The following MYO5A variants were observed in gnomAD, a reference collection of about 807,000 sequenced individuals.
MYO5A encodes the protein unconventional myosin-Va.
A neutral mutation model predicts 249.7 loss-of-function variants in MYO5A; 98 were observed. The observed-to-expected ratio is 0.39, with a 90% CI of 0.33 to 0.46. The LOEUF (loss-of-function observed/expected upper bound fraction) is 0.46. Among genes scored for constraint, MYO5A ranks in the 20% least tolerant of loss-of-function variants. MYO5A has a pLI of 0.98. For missense variants in MYO5A, 1,696 were observed against 2,308.8 expected (o/e 0.73, Z 5.44); for synonymous variants, 778 against 810.6 (o/e 0.96, Z 0.68).
At position 52,308,362 on chromosome 15, in the gene MYO5A, T is replaced by C. The variant is rs1034066668; in HGVS notation, c.*5334A>G. On this transcript the variant is annotated 3_prime_UTR_variant, in exon 42 of 42. Coordinates refer to ENST00000399233, the MANE Select transcript of MYO5A (RefSeq NM_001382347.1). ...GGGTAATACAACAGATTTGAACTTA[T>C]AGCACGCTTTCCTGTTTTTACTCAA... 4 of 152,250 alleles carry C rather than the reference T, an allele frequency of 2.6e-5. No individual in the cohort carries two copies. The highest frequency in any genetic ancestry group is 2.6e-4 in the Admixed American group (4 of 15,286). 9.4% of individuals were successfully genotyped at this position (152,250 alleles called of 1,614,324 possible).
chr15:52,371,931 C>A (rs753313309), intron 21 of MYO5A, among the ~76,000 whole-genome samples, 193 bp downstream of exon 21: 1 of 150,396 alleles, frequency 6.6e-6, no homozygotes. Flanking sequence ...TAACTTCCTG[C>A]CTTAGTTTTT....
At chr15:52,423,224 T>C (rs1186031703) in intron 4 of MYO5A, among the ~76,000 whole-genome samples, 1 of 152,136 alleles carries the variant, frequency 6.6e-6, no homozygotes, top group African/African-American at 2.4e-5. Flanking sequence ...AGGATTTGCA[T>C]CTAGAAAGAT....
intron 1 of MYO5A, among the ~76,000 whole-genome samples, chr15:52,435,873 C>T (rs1343550981): frequency 6.6e-6 from 1 of 152,160 alleles, no homozygotes; most frequent in Non-Finnish European, 1.5e-5. Flanking sequence ...AAATAAAGGA[C>T]ATTTTAACAA....
In MYO5A at chr15:52,347,002, T is replaced by G. The variant is rs894906403; in HGVS notation, c.3859-541A>C. Among the ~76,000 whole-genome samples, 3 of 151,692 alleles carry G rather than the reference T, an allele frequency of 2.0e-5. No individual in the cohort carries two copies. In the South Asian group the frequency reaches 6.2e-4, roughly 31 times the overall value. ...GATTATATGCTTCAGCAAAATTAAGTTTTTTTTCTCACATTCAGTTCTCTT... is the reference window on the plus strand; with the variant it reads ...GATTATATGCTTCAGCAAAATTAAGGTTTTTTTCTCACATTCAGTTCTCTT... On this transcript the variant is annotated intron_variant, in intron 29 of 41. Transcript: ENST00000399233.
chr15:52,333,276 T>C (rs2038971673), intron 34 of MYO5A, among the ~76,000 whole-genome samples: 2 of 152,242 alleles, frequency 1.3e-5, no homozygotes, highest in South Asian at 4.1e-4. Flanking sequence ...TTCTAGATTC[T>C]TTATAAACTT....
intron 1 of MYO5A, among the ~76,000 whole-genome samples, chr15:52,513,344 T>C (rs1217622436): frequency 6.7e-6 from 1 of 148,636 alleles, no homozygotes; most frequent in Non-Finnish European, 1.5e-5. Flanking sequence ...GGCAGGAGAA[T>C]AGCCTGAACC....
chr15:52,408,050 T>C lies in MYO5A; in HGVS notation c.838+9A>G. On this transcript the variant is annotated intron_variant, in intron 7 of 41. Coordinates refer to ENST00000399233, the MANE Select transcript of MYO5A (RefSeq NM_001382347.1). The stretch of plus-strand genomic sequence containing the variant: ...TACCAGAACAATAAATTTAATGCCA[T>C]ATTCATACCTAATCGTAGCATTTTA... 1 of 1,524,782 alleles carries C rather than the reference T, an allele frequency of 6.6e-7. No individual in the cohort carries two copies. The allele number at this position is 1,524,782 out of a possible 1,614,324, so 94.5% of individuals were successfully genotyped here.
intron 37 of MYO5A, among the ~76,000 whole-genome samples, chr15:52,323,055 A>C (rs1036300877): frequency 2.6e-5 from 4 of 152,172 alleles, no homozygotes; most frequent in African/African-American, 9.7e-5. Flanking sequence ...CACTATTCTG[A>C]TATTAGCTCT....
chr15:52,481,051 A>G (rs544932965), intron 1 of MYO5A, among the ~76,000 whole-genome samples: 5 of 152,184 alleles, frequency 3.3e-5, no homozygotes, highest in African/African-American at 9.7e-5. Flanking sequence ...GGACCACACT[A>G]TATGTAGGTA....
chr15:52,436,994 A>G (rs895788049), intron 1 of MYO5A, among the ~76,000 whole-genome samples: 7 of 152,222 alleles, frequency 4.6e-5, no homozygotes, highest in Non-Finnish European at 1.0e-4. Flanking sequence ...ACGCACATAG[A>G]AACTTCATGA....
In MYO5A at chr15:52,433,257, T is replaced by C. The variant is rs2075580692; in HGVS notation, c.56A>G (p.Glu19Gly). ...CAGCTCTGCTGACTTCCAGACTTCCTCTGGATCAGGTATCCAAACCCTGGC... is the reference window on the plus strand; with the variant it reads ...CAGCTCTGCTGACTTCCAGACTTCCCCTGGATCAGGTATCCAAACCCTGGC... ...KFARVWIPDP[E>G]EVWKSAELLK... Residue 19 changes from glutamate (E) to glycine (G), a missense_variant, in exon 2 of 42, where the codon GAG (glutamate) becomes GGG (glycine). Physicochemically the swap from Glu to Gly is moderately conservative, Grantham distance 98 (BLOSUM62 -2). Coordinates refer to ENST00000399233, the MANE Select transcript of MYO5A (RefSeq NM_001382347.1). 6.2e-7 allele frequency: 1 copy of C among 1,613,646 alleles called. No individual in the cohort carries two copies. Among genetic ancestry groups the C allele is most frequent in the African/African-American group, 1.3e-5 (1 of 74,870 alleles).
chr15:52,443,332 G>A (rs193122814), intron 1 of MYO5A, among the ~76,000 whole-genome samples: 9 of 152,294 alleles, frequency 5.9e-5, no homozygotes, highest in Admixed American at 5.9e-4. Flanking sequence ...TTTAATGAAT[G>A]AGCTCAGGTT....
rs568191558 is a variant in MYO5A, at chr15:52,316,255, A to G, written c.5409+793T>C. On this transcript the variant is annotated intron_variant, in intron 40 of 41. Transcript: ENST00000399233. The stretch of plus-strand genomic sequence containing the variant: ...TCACAAAAAAAAAAAAAAAAAAAAA[A>G]AAAGAAAGAAAGTCTAAGAGTCAGC... Among the ~76,000 whole-genome samples the G allele has an allele frequency of 2.7e-3, 406 of 150,660 alleles. 2 individuals are homozygous for G. Among genetic ancestry groups the G allele is most frequent in the African/African-American group, 9.4e-3 (382 of 40,738 alleles).
intron 40 of MYO5A, among the ~76,000 whole-genome samples, chr15:52,316,163 G>C (rs2037999028): frequency 6.8e-6 from 1 of 147,312 alleles, no homozygotes; most frequent in African/African-American, 2.5e-5. Flanking sequence ...GAACCTGGGA[G>C]GGGGAGCTTG....
chr15:52,441,421 C>G, intron 1 of MYO5A, among the ~76,000 whole-genome samples: 1 of 152,250 alleles, frequency 6.6e-6, no homozygotes, highest in South Asian at 2.1e-4. Flanking sequence ...AAGTAGAACA[C>G]TACTTACGCT....
intron 1 of MYO5A, among the ~76,000 whole-genome samples, chr15:52,457,075 T>C (rs900304226): frequency 5.9e-5 from 9 of 152,140 alleles, no homozygotes; most frequent in South Asian, 2.1e-4. Context: ...AAGAGACTAA[T>C]ATCCAGAATA....
chr15:52,477,392 C>T (rs905619102), intron 1 of MYO5A, among the ~76,000 whole-genome samples: 6 of 152,234 alleles, frequency 3.9e-5, no homozygotes, highest in Non-Finnish European at 8.8e-5. Flanking sequence ...AAGCCTTCTT[C>T]TCTCAACTCG....
At chr15:52,513,820 T>A (rs1013793939) in intron 1 of MYO5A, among the ~76,000 whole-genome samples, 1 of 152,200 alleles carries the variant, frequency 6.6e-6, no homozygotes, top group Non-Finnish European at 1.5e-5. Context: ...GAGTAGCATG[T>A]TGAGATCTCT....
intron 1 of MYO5A, chr15:52,505,352 G>A: frequency 1.3e-6 from 1 of 778,672 alleles, no homozygotes; most frequent in Non-Finnish European, 2.4e-6. Context: ...GCTCTATGTT[G>A]GTATAATCAC....
Sources: gnomAD v4.1 joint callset for allele counts (sites outside exome capture counted in the v4.1 genomes callset) on GRCh38, gnomAD v4.1.1 for gene constraint, MANE v1.5 for transcripts, NCBI Gene and HGNC (gene_info 2026-07-23, HGNC 2026-07-21) for gene names.